The following CAMK2D variants were observed in gnomAD, a reference collection of about 807,000 sequenced individuals.
The protein encoded by CAMK2D is calcium/calmodulin dependent protein kinase II delta.
A neutral mutation model predicts 84.0 loss-of-function variants in CAMK2D; 37 were observed. The observed-to-expected ratio is 0.44, with a 90% CI of 0.34 to 0.58. CAMK2D has a LOEUF of 0.58. CAMK2D is among the 20% of genes least tolerant of loss of function. CAMK2D has a pLI of 0.02. For missense variants in CAMK2D, 448 were observed against 652.5 expected (o/e 0.69, Z 3.41); for synonymous variants, 202 against 212.5 (o/e 0.95, Z 0.43).
Position 113,584,844 on chromosome 4 carries a change from C to T in CAMK2D, c.275+24308G>A, listed in dbSNP as rs145348113. Among the ~76,000 whole-genome samples the T allele has an allele frequency of 3.5e-3, 538 of 152,176 alleles. 3 individuals are homozygous for T. Among genetic ancestry groups the T allele is most frequent in the African/African-American group, 0.012 (502 of 41,526 alleles). On this transcript the variant is annotated intron_variant, in intron 4 of 20. Coordinates refer to ENST00000511664, the MANE Select transcript of CAMK2D (RefSeq NM_001321571.2). ...ACAAAAATAAAAGATATTAATGATG[C>T]CTATCTTTTATCTTAAGAAAAAAAA...
At chr4:113,542,887 T>C (rs963223981) in intron 6 of CAMK2D, among the ~76,000 whole-genome samples, 8 of 152,202 alleles carry the variant, frequency 5.3e-5, no homozygotes, top group Non-Finnish European at 8.8e-5. Context: ...TCTCTCATAT[T>C]CATCTATCCA....
rs76606240 is a variant in CAMK2D at position 113,507,812 on chromosome 4, C to A, written c.984+1826G>T. ...TAAAGGTACTTAACTAGGATTGGTA[C>A]ATTGTAAGATCACTTTCACACCTTT... On this transcript the variant is annotated intron_variant, in intron 13 of 20. Coordinates refer to ENST00000511664, the MANE Select transcript of CAMK2D (RefSeq NM_001321571.2). Among the ~76,000 whole-genome samples the A allele has an allele frequency of 7.2e-3, 1,098 of 152,076 alleles. 15 individuals are homozygous for A. The highest frequency in any genetic ancestry group is 0.025 in the African/African-American group (1,041 of 41,474).
intron 4 of CAMK2D, among the ~76,000 whole-genome samples, chr4:113,604,385 C>T (rs889613661): frequency 6.6e-6 from 1 of 152,158 alleles, no homozygotes; most frequent in Admixed American, 6.5e-5. Flanking sequence ...CTGTTATGCT[C>T]TCTTTTCAGT....
intron 7 of CAMK2D, among the ~76,000 whole-genome samples, chr4:113,536,452 CAAAG>C (rs1259590895): frequency 6.6e-6 from 1 of 152,098 alleles, no homozygotes; most frequent in African/African-American, 2.4e-5. Context: ...GCATATAAAA[CAAAG>C]AAATAGCATG....
chr4:113,588,875 T>C (rs1482442529), intron 4 of CAMK2D, among the ~76,000 whole-genome samples: 1 of 104,758 alleles, frequency 9.5e-6, no homozygotes, highest in Non-Finnish European at 2.1e-5. Context: ...AGTTTAATAG[T>C]GGTGTCAAAA....
chr4:113,682,963 T>C (rs1197939492), intron 2 of CAMK2D, among the ~76,000 whole-genome samples: 1 of 152,230 alleles, frequency 6.6e-6, no homozygotes, highest in Non-Finnish European at 1.5e-5. Context: ...TGTTCAATCA[T>C]CTGCTAGCTA....
intron 3 of CAMK2D, among the ~76,000 whole-genome samples, chr4:113,642,590 C>T (rs1234995999): frequency 2.6e-5 from 4 of 152,168 alleles, no homozygotes; most frequent in African/African-American, 9.7e-5. Context: ...AGCTATTTAT[C>T]CCTCCTCCCT....
intron 6 of CAMK2D, among the ~76,000 whole-genome samples, chr4:113,538,790 G>C (rs2098510750): frequency 6.6e-6 from 1 of 152,092 alleles, no homozygotes; most frequent in African/African-American, 2.4e-5. Context: ...GAAGAAATTA[G>C]GTTAAATCTA....
intron 3 of CAMK2D, among the ~76,000 whole-genome samples, chr4:113,639,545 C>A (rs60929175): frequency 0.033 from 4,998 of 152,080 alleles, 278 homozygotes; most frequent in African/African-American, 0.11. Context: ...TTCAGCCAGG[C>A]ACCTTTGTAC....
intron 16 of CAMK2D, among the ~76,000 whole-genome samples, chr4:113,487,958 C>T (rs1298120161): frequency 6.6e-6 from 1 of 151,890 alleles, no homozygotes; most frequent in Non-Finnish European, 1.5e-5. Flanking sequence ...TATCTACATT[C>T]TGCTGTTATG....
At chr4:113,720,870 GTA>G (rs994094570) in intron 2 of CAMK2D, among the ~76,000 whole-genome samples, 1 of 151,962 alleles carries the variant, frequency 6.6e-6, no homozygotes, top group Admixed American at 6.6e-5. Context: ...ATGCCCAATT[GTA>G]TTACCAGTGC....
chr4:113,661,811 A>C, intron 2 of CAMK2D, 39 bp from the exon 3 acceptor site: 2 of 982,006 alleles, frequency 2.0e-6, no homozygotes, highest in Non-Finnish European at 3.1e-6. Context: ...AAAATAAAGC[A>C]AAAAATAATA....
intron 3 of CAMK2D, among the ~76,000 whole-genome samples, chr4:113,622,451 A>G (rs1242063697): frequency 1.3e-5 from 2 of 152,154 alleles, no homozygotes; most frequent in African/African-American, 4.8e-5. Context: ...AGCTCCCTCC[A>G]GCAGGCATCT....
intron 16 of CAMK2D, among the ~76,000 whole-genome samples, chr4:113,467,698 A>G (rs1256408487): frequency 3.3e-5 from 5 of 152,218 alleles, no homozygotes; most frequent in Non-Finnish European, 5.9e-5. Context: ...ACATAGTGAC[A>G]GAAGTGGTAT....
At chr4:113,695,930 T>C (rs1320877143) in intron 2 of CAMK2D, among the ~76,000 whole-genome samples, 1 of 152,000 alleles carries the variant, frequency 6.6e-6, no homozygotes, top group Non-Finnish European at 1.5e-5. Flanking sequence ...CCTTACCTTA[T>C]CTTCTATTAC....
chr4:113,477,767 T>C (rs984332639), intron 16 of CAMK2D, among the ~76,000 whole-genome samples: 13 of 148,394 alleles, frequency 8.8e-5, no homozygotes, highest in African/African-American at 2.7e-4. Flanking sequence ...AAAAAGAATA[T>C]TGGGGCCCAG....
At chr4:113,633,885 T>C (rs1330538862) in intron 3 of CAMK2D, among the ~76,000 whole-genome samples, 3 of 152,246 alleles carry the variant, frequency 2.0e-5, no homozygotes, top group Non-Finnish European at 2.9e-5. Context: ...TTACATTTGA[T>C]AAATCTTTAG....
intron 1 of CAMK2D, among the ~76,000 whole-genome samples, chr4:113,759,966 A>T (rs2149176817): frequency 6.6e-6 from 1 of 152,312 alleles, no homozygotes; most frequent in African/African-American, 2.4e-5. Flanking sequence ...CTTCCGACAT[A>T]TTCTCCATGT....
chr4:113,627,663 T>C (rs949823763), intron 3 of CAMK2D, among the ~76,000 whole-genome samples: 4 of 152,166 alleles, frequency 2.6e-5, no homozygotes, highest in Admixed American at 6.6e-5. Flanking sequence ...TGCAGCTTTA[T>C]ATTTGGGGAC....
Sources: allele counts gnomAD v4.1 joint callset (sites outside exome capture counted in the v4.1 genomes callset), GRCh38; gene constraint gnomAD v4.1.1; transcripts MANE v1.5; gene names NCBI Gene and HGNC (gene_info 2026-07-23, HGNC 2026-07-21).